The following GLG1 variants were observed in gnomAD, a reference collection of about 807,000 sequenced individuals.
GLG1 encodes the protein golgi glycoprotein 1, also known as Golgi apparatus protein 1.
In GLG1, 38 loss-of-function variants were observed where a neutral mutation model predicts 160.5. The observed-to-expected ratio is 0.24, with a 90% CI of 0.18 to 0.31. The LOEUF is 0.31. Ranked by LOEUF, GLG1 falls within the 10% of genes least tolerant of loss-of-function variation. The pLI is 1.00. For missense variants in GLG1, 1,373 were observed against 1,505.2 expected (o/e 0.91, Z 1.45); for synonymous variants, 644 against 543.4 (o/e 1.19, Z -2.57).
intron 1 of GLG1, among the ~76,000 whole-genome samples, chr16:74,589,033 G>A (rs1318199378): frequency 2.6e-5 from 4 of 151,662 alleles, no homozygotes; most frequent in East Asian, 1.9e-4. Context: ...CTTCAAGTCA[G>A]GAGTTCGAGA....
intron 19 of GLG1, among the ~76,000 whole-genome samples, chr16:74,465,044 G>A (rs1324143339): frequency 6.6e-6 from 1 of 152,034 alleles, no homozygotes; most frequent in Non-Finnish European, 1.5e-5. Context: ...TCACCATGTT[G>A]GCCAGGCTGG....
At chr16:74,562,356 A>G (rs2018535096) in intron 1 of GLG1, among the ~76,000 whole-genome samples, 1 of 152,250 alleles carries the variant, frequency 6.6e-6, no homozygotes, top group Non-Finnish European at 1.5e-5. Context: ...TGCCACTAAT[A>G]ATAGAACCTC....
At chr16:74,542,225 A>C (rs1221494317) in intron 1 of GLG1, among the ~76,000 whole-genome samples, 1 of 140,732 alleles carries the variant, frequency 7.1e-6, no homozygotes, top group East Asian at 2.1e-4. Flanking sequence ...AAATTATCTG[A>C]AGGGCACCGT....
chr16:74,455,363 T>G (rs746504084), intron 25 of GLG1, among the ~76,000 whole-genome samples: 3 of 152,154 alleles, frequency 2.0e-5, no homozygotes, highest in Non-Finnish European at 4.4e-5. Context: ...TGAGCTCCAA[T>G]AGTTGCCAAC....
At chr16:74,477,648 A>T (rs2015432949) in intron 11 of GLG1, 115 bp from the exon 12 acceptor site, 1 of 717,120 alleles carries the variant, frequency 1.4e-6, no homozygotes. Flanking sequence ...TATCTCCCAA[A>T]TTTTATACCT....
rs1198797946 is a variant in GLG1, at chr16:74,465,809, AT to A, written c.2533del (p.Ile845SerfsTer4). On this transcript the variant is annotated frameshift_variant, in exon 19 of 26. Transcript: ENST00000422840. LOFTEE classifies it high-confidence loss of function. Reference protein sequence around the residue: ...SAVQYGNAQIIECLKENKKQL... With the variant: ...SAVQYGNAQIXECLKENKKQL... Reference sequence around the variant, plus strand: ...CTTCTTGTTTTCTTTCAGACATTCGATAATCTATGGCAAAAGAGTTATAGTC... The same window carrying A: ...CTTCTTGTTTTCTTTCAGACATTCGAAATCTATGGCAAAAGAGTTATAGTC... 1 of 1,613,608 alleles carries A rather than the reference AT, an allele frequency of 6.2e-7. No individual in the cohort carries two copies.
chr16:74,496,073 G>A (rs1052226432), intron 5 of GLG1, among the ~76,000 whole-genome samples: 5 of 152,072 alleles, frequency 3.3e-5, no homozygotes, highest in South Asian at 2.1e-4. Flanking sequence ...AGACCAGTCC[G>A]GGCAATACAG....
At chr16:74,556,161 TTAAC>T (rs1259268693) in intron 1 of GLG1, among the ~76,000 whole-genome samples, 1 of 152,178 alleles carries the variant, frequency 6.6e-6, no homozygotes, top group Non-Finnish European at 1.5e-5. Context: ...TATATTACAG[TTAAC>T]AGTTAATTAC....
At chr16:74,589,653 C>G (rs748150700) in intron 1 of GLG1, among the ~76,000 whole-genome samples, 1 of 152,110 alleles carries the variant, frequency 6.6e-6, no homozygotes, top group Non-Finnish European at 1.5e-5. Flanking sequence ...AGAATCTGGG[C>G]TAAAGAATGG....
At chr16:74,502,567 G>A (rs1397678994) in intron 4 of GLG1, among the ~76,000 whole-genome samples, 2 of 150,870 alleles carry the variant, frequency 1.3e-5, no homozygotes, top group African/African-American at 2.4e-5. Context: ...TTTTTGAGAC[G>A]GAGTCTCACT....
intron 1 of GLG1, among the ~76,000 whole-genome samples, chr16:74,576,848 G>C (rs992996926): frequency 1.3e-4 from 20 of 151,846 alleles, no homozygotes; most frequent in African/African-American, 4.6e-4. Context: ...ACTGAATTGA[G>C]TAGCTGAAGA....
At chr16:74,533,344 C>A (rs1436732027) in intron 1 of GLG1, among the ~76,000 whole-genome samples, 1 of 151,996 alleles carries the variant, frequency 6.6e-6, no homozygotes, top group Non-Finnish European at 1.5e-5. Flanking sequence ...CAAAACAAAA[C>A]AAAACTTTCA....
intron 12 of GLG1, among the ~76,000 whole-genome samples, chr16:74,475,793 C>A (rs1166274086): frequency 6.6e-6 from 1 of 152,172 alleles, no homozygotes. Flanking sequence ...AATTATACAA[C>A]AGCCAGAATG....
intron 24 of GLG1, 130 bp downstream of exon 24, chr16:74,457,744 A>C (rs2014614927): frequency 1.3e-6 from 1 of 741,654 alleles, no homozygotes; most frequent in African/African-American, 1.7e-5. Flanking sequence ...GTCCCCAGGG[A>C]ATGTTGTCTA....
chr16:74,572,144 G>A (rs995820127), intron 1 of GLG1, among the ~76,000 whole-genome samples: 2 of 152,166 alleles, frequency 1.3e-5, no homozygotes, highest in Non-Finnish European at 2.9e-5. Flanking sequence ...CCAATCTCCA[G>A]GGAGGGGAAA....
intron 1 of GLG1, among the ~76,000 whole-genome samples, chr16:74,586,035 C>G (rs889927823): frequency 5.8e-4 from 86 of 149,344 alleles, no homozygotes; most frequent in Admixed American, 1.1e-3. Flanking sequence ...TGCACTCTAG[C>G]CTGGACAACA....
At chr16:74,580,453 C>G (rs1294171882) in intron 1 of GLG1, among the ~76,000 whole-genome samples, 1 of 152,098 alleles carries the variant, frequency 6.6e-6, no homozygotes, top group Non-Finnish European at 1.5e-5. Flanking sequence ...AAGCCATATT[C>G]ACGCCATTAC....
rs1391811872 is a variant in GLG1, at chr16:74,503,512, CTAACG to C, written c.774+14_774+18del. Reference sequence around the variant, plus strand: ...AAATTTTAAGACCCCTTTGTTGAAGCTAACGTAGTATTAGATACCTTTTCTCCAAG... The same window carrying C: ...AAATTTTAAGACCCCTTTGTTGAAGCTAGTATTAGATACCTTTTCTCCAAG... On this transcript the variant is annotated intron_variant, in intron 4 of 25. Transcript: ENST00000422840. The C allele has an allele frequency of 6.6e-6, 10 of 1,509,220 alleles. No individual in the cohort carries two copies. The highest frequency in any genetic ancestry group is 9.2e-6 in the Non-Finnish European group (10 of 1,084,378). The allele number at this position is 1,509,220 out of a possible 1,614,324, so 93.5% of individuals were successfully genotyped here.
chr16:74,456,380 T>G (rs1555506273), intron 25 of GLG1, among the ~76,000 whole-genome samples: 2 of 152,232 alleles, frequency 1.3e-5, no homozygotes. Flanking sequence ...CAGGTTGGTC[T>G]CGATCTCCTG....
Sources: gnomAD v4.1 joint callset for allele counts (sites outside exome capture counted in the v4.1 genomes callset) on GRCh38, gnomAD v4.1.1 for gene constraint, MANE v1.5 for transcripts, NCBI Gene and HGNC (gene_info 2026-07-23, HGNC 2026-07-21) for gene names.